The following CSMD3 variants were observed in gnomAD, a reference collection of about 807,000 sequenced individuals.
CSMD3 encodes CUB and sushi domain-containing protein 3.
In CSMD3, 177 loss-of-function variants were observed where a neutral mutation model predicts 435.2. The observed-to-expected ratio is 0.41, with a 90% CI of 0.36 to 0.46. CSMD3 has a LOEUF of 0.46. CSMD3 is among the 20% of genes least tolerant of loss of function. The pLI is 0.34. For missense variants in CSMD3, 4,265 were observed against 4,504.6 expected, an observed-to-expected ratio of 0.95 and a Z score of 1.52; for synonymous variants, 1,656 against 1,520.5, an observed-to-expected ratio of 1.09 and a Z score of -2.07.
At position 112,262,226 on chromosome 8, in the gene CSMD3, A is replaced by T. The variant is rs184204772; in HGVS notation, c.9862+1413T>A. ...TAATTGCCTTGCAGACTTAATTAAA[A>T]TGTCCATTCTTTCCCTACTGACTTG... On this transcript the variant is annotated intron_variant, in intron 61 of 70. Transcript: ENST00000297405. Among the ~76,000 whole-genome samples, 133 of 152,134 alleles carry T rather than the reference A, an allele frequency of 8.7e-4. 1 individual carries two copies. The highest frequency in any genetic ancestry group is 4.3e-4 in the Non-Finnish European group (29 of 67,940).
chr8:112,548,193 A>T (rs1489539381), intron 27 of CSMD3, among the ~76,000 whole-genome samples: 6 of 152,186 alleles, frequency 3.9e-5, no homozygotes, highest in Non-Finnish European at 1.5e-5. Context: ...CAGAGAGGGC[A>T]TCTGTCCCTT....
intron 57 of CSMD3, among the ~76,000 whole-genome samples, chr8:112,287,771 G>C (rs909546095): frequency 2.0e-5 from 3 of 151,926 alleles, no homozygotes; most frequent in African/African-American, 7.3e-5. Flanking sequence ...CTCTACCAAT[G>C]ACCAATGATC....
intron 11 of CSMD3, among the ~76,000 whole-genome samples, chr8:112,858,094 C>T (rs1281877597): frequency 1.3e-5 from 2 of 151,574 alleles, no homozygotes; most frequent in Admixed American, 6.6e-5. Context: ...GAGTTTTAAA[C>T]CAACTCTGCT....
At chr8:112,356,789 G>A (rs1036419779) in intron 38 of CSMD3, among the ~76,000 whole-genome samples, 10 of 152,048 alleles carry the variant, frequency 6.6e-5, no homozygotes, top group Non-Finnish European at 1.3e-4. Context: ...TTTGACTGCT[G>A]TCACCCATGT....
chr8:113,017,397 T>G (rs2131160814), intron 6 of CSMD3, among the ~76,000 whole-genome samples: 1 of 151,892 alleles, frequency 6.6e-6, no homozygotes, highest in South Asian at 2.1e-4. Flanking sequence ...GAAATCATAT[T>G]GCACAAAACA....
intron 13 of CSMD3, among the ~76,000 whole-genome samples, chr8:112,758,764 T>A (rs1055013943): frequency 6.6e-6 from 1 of 152,294 alleles, no homozygotes; most frequent in Non-Finnish European, 1.5e-5. Context: ...TTAAAGGAGA[T>A]AATGCACATG....
intron 38 of CSMD3, among the ~76,000 whole-genome samples, chr8:112,363,493 A>T (rs750150629): frequency 3.2e-4 from 48 of 152,010 alleles, no homozygotes; most frequent in Non-Finnish European, 6.2e-4. Context: ...AACTGACTCA[A>T]CATGAGAGGC....
At chr8:113,404,285 T>A (rs1168868551) in intron 1 of CSMD3, among the ~76,000 whole-genome samples, 2 of 151,434 alleles carry the variant, frequency 1.3e-5, no homozygotes, top group Non-Finnish European at 3.0e-5. Flanking sequence ...CACTATGGCT[T>A]GATGTATAAC....
rs75651851 is a variant in CSMD3, at chr8:112,930,275, C to T, written c.1509-8524G>A. ...TGTGTTCTCATCCCTATACTACTAT[C>T]AGACAGCAATAAACTAAATAATGTA... is the stretch of plus-strand genomic sequence containing the variant. On this transcript the variant is annotated intron_variant, in intron 9 of 70. Coordinates refer to ENST00000297405, the MANE Select transcript of CSMD3 (RefSeq NM_198123.2). Among the ~76,000 whole-genome samples, 31 of 152,182 alleles carry T rather than the reference C, an allele frequency of 2.0e-4. No homozygotes were observed. The East Asian group carries it at 6.0e-3, about 29-fold the overall frequency.
chr8:112,598,370 G>A (rs1355842163), intron 22 of CSMD3, among the ~76,000 whole-genome samples: 2 of 151,362 alleles, frequency 1.3e-5, no homozygotes, highest in African/African-American at 4.9e-5. Flanking sequence ...AATAAAAGAG[G>A]ATACAAACAA....
At chr8:112,335,613 T>A (rs1824483340) in intron 44 of CSMD3, 139 bp from the exon 45 acceptor site, 1 of 743,708 alleles carries the variant, frequency 1.3e-6, no homozygotes. Flanking sequence ...AACCAATGAG[T>A]ACAAATTATA....
At chr8:113,142,842 CA>C (rs1451810117) in intron 4 of CSMD3, among the ~76,000 whole-genome samples, 1 of 146,286 alleles carries the variant, frequency 6.8e-6, no homozygotes, top group Non-Finnish European at 1.5e-5. Flanking sequence ...ATGCCTGTAT[CA>C]AATTATCTTC....
intron 6 of CSMD3, among the ~76,000 whole-genome samples, chr8:113,009,236 T>A (rs2086168350): frequency 6.6e-6 from 1 of 151,728 alleles, no homozygotes; most frequent in African/African-American, 2.4e-5. Context: ...CATATTACTG[T>A]GAAGCCTTGC....
At chr8:112,430,287 A>T (rs1813520891) in intron 32 of CSMD3, among the ~76,000 whole-genome samples, 1 of 152,070 alleles carries the variant, frequency 6.6e-6, no homozygotes, top group Admixed American at 6.6e-5. Context: ...GTGGGAAAAA[A>T]GAAAGCAGTT....
chr8:113,154,591 T>C (rs1314537101), intron 4 of CSMD3, among the ~76,000 whole-genome samples: 2 of 152,046 alleles, frequency 1.3e-5, no homozygotes, highest in Admixed American at 1.3e-4. Flanking sequence ...TAAACTCTTG[T>C]ATTCAGGGCA....
intron 3 of CSMD3, among the ~76,000 whole-genome samples, chr8:113,199,457 T>C (rs1267971318): frequency 6.6e-6 from 1 of 151,802 alleles, no homozygotes; most frequent in Admixed American, 6.6e-5. Context: ...TGGTTTCTAG[T>C]ATACAATATG....
chr8:112,743,989 T>TATGAA (rs1215151594), intron 13 of CSMD3, among the ~76,000 whole-genome samples: 3 of 152,016 alleles, frequency 2.0e-5, no homozygotes, highest in African/African-American at 7.2e-5. Flanking sequence ...ACCTTAAATC[T>TATGAA]ATGAAATGGT....
chr8:113,223,622 C>CATAT (rs3048833), intron 3 of CSMD3, among the ~76,000 whole-genome samples: 25,405 of 145,962 alleles, frequency 0.17, 2,422 homozygotes, highest in African/African-American at 0.26. Context: ...GTCAAGTATA[C>CATAT]ATATATATAT....
chr8:113,029,160 C>A (rs1010138765), intron 5 of CSMD3, among the ~76,000 whole-genome samples: 9 of 151,422 alleles, frequency 5.9e-5, no homozygotes, highest in Admixed American at 2.0e-4. Context: ...CAAAAATAGT[C>A]CAGGACCATA....
Sources: allele counts gnomAD v4.1 joint callset (sites outside exome capture counted in the v4.1 genomes callset), GRCh38; gene constraint gnomAD v4.1.1; transcripts MANE v1.5; gene names NCBI Gene and HGNC (gene_info 2026-07-23, HGNC 2026-07-21).